Variants in UNC79 observed in about 807,000 individuals in gnomAD.
The protein encoded by UNC79 is unc-79 subunit of NALCN channel complex, also known as protein unc-79 homolog.
UNC79 carries 37 observed loss-of-function variants against 283.1 expected under a neutral mutation model. The ratio of observed to expected loss-of-function variants is 0.13; its 90% confidence interval spans 0.10 to 0.17. The LOEUF (loss-of-function observed/expected upper bound fraction) is 0.17. Among genes scored for constraint, UNC79 ranks in the 10% least tolerant of loss-of-function variants. The probability of loss-of-function intolerance (pLI) is 1.00; values close to 1 mark genes in which losing one functional copy is unlikely to be tolerated. For synonymous variants in UNC79, 1,107 were observed against 1,200.2 expected, an observed-to-expected ratio of 0.92 and a Z score of 1.61; for missense variants, 2,272 against 3,211.1, an observed-to-expected ratio of 0.71 and a Z score of 7.07.
At chr14:93,548,726 T>C (rs1336724605) in intron 14 of UNC79, among the ~76,000 whole-genome samples, 1 of 152,204 alleles carries the variant, frequency 6.6e-6, no homozygotes, top group African/African-American at 2.4e-5. Flanking sequence ...AGTAAACAGC[T>C]CCTTTAGGAA....
intron 1 of UNC79, among the ~76,000 whole-genome samples, chr14:93,369,706 C>T (rs748367976): frequency 1.5e-4 from 23 of 152,134 alleles, no homozygotes; most frequent in African/African-American, 5.1e-4. Context: ...TGGTTAGCCA[C>T]GGTAAGTATC....
At chr14:93,336,279 C>A (rs2053576039) in intron 1 of UNC79, among the ~76,000 whole-genome samples, 1 of 152,136 alleles carries the variant, frequency 6.6e-6, no homozygotes, top group Admixed American at 6.6e-5. Flanking sequence ...ATTGAAAACC[C>A]CAGAACAGTG....
rs2056138987 is a variant in UNC79 at position 93,437,670 on chromosome 14, T to C, written c.22+6619T>C. ...AAAGCGTTGGCAGGGCTGTGCTCTCTCTGCAGGCTCTAGGGAAAAATCTCC... is the reference window on the plus strand; with the variant it reads ...AAAGCGTTGGCAGGGCTGTGCTCTCCCTGCAGGCTCTAGGGAAAAATCTCC... On this transcript the variant is annotated intron_variant, in intron 1 of 48. Coordinates refer to ENST00000555664, the Ensembl canonical transcript of UNC79. Among the ~76,000 whole-genome samples, 4 of 152,282 alleles carry C rather than the reference T, an allele frequency of 2.6e-5. No homozygotes were observed. In the South Asian group the frequency reaches 8.3e-4, roughly 32 times the overall value.
At chr14:93,611,544 A>G (rs1243397057) in intron 26 of UNC79, among the ~76,000 whole-genome samples, 1 of 152,222 alleles carries the variant, frequency 6.6e-6, no homozygotes, top group Admixed American at 6.5e-5. Flanking sequence ...AAATTTTTGC[A>G]ATTCCCAGAA....
intron 25 of UNC79, among the ~76,000 whole-genome samples, chr14:93,601,102 A>G (rs1178653954): frequency 6.6e-6 from 1 of 152,206 alleles, no homozygotes; most frequent in Non-Finnish European, 1.5e-5. Context: ...TCACTCTTGC[A>G]TACTTTCTAA....
At chr14:93,433,581 A>G (rs977841843) in intron 1 of UNC79, among the ~76,000 whole-genome samples, 8 of 152,138 alleles carry the variant, frequency 5.3e-5, no homozygotes, top group Non-Finnish European at 8.8e-5. Flanking sequence ...TGTGAAGACT[A>G]CTGGATAAGG....
chr14:93,451,132 G>A (rs2056627986), intron 1 of UNC79, among the ~76,000 whole-genome samples: 1 of 149,994 alleles, frequency 6.7e-6, no homozygotes, highest in Non-Finnish European at 1.5e-5. Context: ...TTTTTTTTAA[G>A]ATAAAGTTTT....
intron 35 of UNC79, among the ~76,000 whole-genome samples, chr14:93,652,095 T>C (rs1039797763): frequency 1.3e-5 from 2 of 152,008 alleles, no homozygotes; most frequent in African/African-American, 4.8e-5. Context: ...TTGCAATGGC[T>C]CAGACTGCCA....
chr14:93,472,547 A>G (rs2057566504), intron 2 of UNC79, among the ~76,000 whole-genome samples: 1 of 152,110 alleles, frequency 6.6e-6, no homozygotes. Context: ...ATTATTATCA[A>G]TTGTTTTCCC....
chr14:93,513,362 C>T (rs560087963), intron 7 of UNC79, among the ~76,000 whole-genome samples: 28 of 152,034 alleles, frequency 1.8e-4, no homozygotes, highest in African/African-American at 5.8e-4. Flanking sequence ...GCTGGAACTA[C>T]AGGCATGACC....
intron 1 of UNC79, among the ~76,000 whole-genome samples, chr14:93,336,632 C>G (rs1281920666): frequency 6.6e-6 from 1 of 152,124 alleles, no homozygotes; most frequent in Non-Finnish European, 1.5e-5. Flanking sequence ...TGAGCCACTG[C>G]ACATGGCCTT....
chr14:93,380,087 CAACAT>C (rs2054636274), intron 1 of UNC79, among the ~76,000 whole-genome samples: 1 of 152,016 alleles, frequency 6.6e-6, no homozygotes, highest in Admixed American at 6.6e-5. Context: ...ATTAAAGACA[CAACAT>C]AAGTAAGGAA....
At chr14:93,487,436 A>G (rs1251164557) in intron 4 of UNC79, among the ~76,000 whole-genome samples, 1 of 152,168 alleles carries the variant, frequency 6.6e-6, no homozygotes, top group Non-Finnish European at 1.5e-5. Flanking sequence ...ACTTTCTGAC[A>G]CTGTTCTGTC....
intron 5 of UNC79, among the ~76,000 whole-genome samples, chr14:93,492,371 A>G (rs906102835): frequency 6.6e-6 from 1 of 151,606 alleles, no homozygotes; most frequent in Non-Finnish European, 1.5e-5. Flanking sequence ...GTTTTGTTTT[A>G]TTTTTCGAGA....
chr14:93,440,482 CT>C (rs2056257739), intron 1 of UNC79, among the ~76,000 whole-genome samples: 1 of 143,286 alleles, frequency 7.0e-6, no homozygotes, highest in Non-Finnish European at 1.5e-5. Context: ...TCCTTGATTT[CT>C]TTGTTTTATT....
chr14:93,473,540 A>G (rs1219146791), intron 2 of UNC79, among the ~76,000 whole-genome samples: 1 of 152,216 alleles, frequency 6.6e-6, no homozygotes, highest in African/African-American at 2.4e-5. Context: ...ATACATATAG[A>G]CATTATTTTG....
At chr14:93,451,074 C>G (rs982677520) in intron 1 of UNC79, among the ~76,000 whole-genome samples, 2 of 150,646 alleles carry the variant, frequency 1.3e-5, no homozygotes, top group Non-Finnish European at 3.0e-5. Context: ...CAACAGCGTT[C>G]ATTTATAGGT....
intron 29 of UNC79, chr14:93,620,965 T>G (rs1182568462): frequency 3.9e-6 from 2 of 518,630 alleles, no homozygotes; most frequent in East Asian, 1.1e-4. Context: ...AGTCTCAAAC[T>G]TTTTTTGCAA....
chr14:93,651,849 C>T (rs1225906343), intron 35 of UNC79, among the ~76,000 whole-genome samples: 2 of 151,482 alleles, frequency 1.3e-5, no homozygotes, highest in African/African-American at 4.9e-5. Context: ...AAAGGATTCT[C>T]CTGCCTCAGG....
Sources: gnomAD v4.1 joint callset for allele counts (sites outside exome capture counted in the v4.1 genomes callset) on GRCh38, gnomAD v4.1.1 for gene constraint, MANE v1.5 for transcripts, NCBI Gene and HGNC (gene_info 2026-07-23, HGNC 2026-07-21) for gene names.